MCUR1: variants seen among roughly 807,000 people sequenced by gnomAD.
MCUR1 encodes the protein MCU regulator 1.
Under a neutral mutation model 42.0 loss-of-function variants are expected in MCUR1, and 37 were observed. That is an observed-to-expected ratio of 0.88 (90% confidence interval 0.68 to 1.16). MCUR1 has a LOEUF of 1.16. Among genes scored for constraint, MCUR1 ranks in the 50% most tolerant of loss-of-function variants. The pLI is 0.00. For missense variants in MCUR1, 469 were observed against 468.4 expected (o/e 1.00, Z -0.01); for synonymous variants, 229 against 196.2 (o/e 1.17, Z -1.40).
chr6:13,814,445 T>C lies in MCUR1; in HGVS notation c.-16A>G, dbSNP rs1336672129. 1.0e-5 allele frequency: 15 copies of C among 1,498,094 alleles called. No homozygotes were observed. The highest frequency in any genetic ancestry group is 4.4e-5 in the Admixed American group (2 of 45,104). The allele number at this position is 1,498,094 out of a possible 1,614,324, so 92.8% of individuals were successfully genotyped here. On this transcript the variant is annotated 5_prime_UTR_variant, in exon 1 of 9. Coordinates refer to ENST00000379170, the MANE Select transcript of MCUR1 (RefSeq NM_001031713.4). Reference sequence around the variant, plus strand: ...CGCAGTCCATCCCCGAGCAGTTCACTGGCCCGGGCGCGCGCTCATGCCTCT... The same window carrying C: ...CGCAGTCCATCCCCGAGCAGTTCACCGGCCCGGGCGCGCGCTCATGCCTCT...
Position 13,789,520 on chromosome 6 carries a change from T to C in MCUR1, c.*1289A>G, listed in dbSNP as rs1268722661. On this transcript the variant is annotated 3_prime_UTR_variant, in exon 9 of 9. Transcript: ENST00000379170. ...GAACAACAGAATTAATCCATCTAGATTAGAATGCTGTGTGGCATGACCATT... is the reference window on the plus strand; with the variant it reads ...GAACAACAGAATTAATCCATCTAGACTAGAATGCTGTGTGGCATGACCATT... 6.6e-6 allele frequency: 1 copy of C among 152,192 alleles called. No homozygotes were observed. 9.4% of individuals were successfully genotyped at this position (152,192 alleles called of 1,614,324 possible). A position where few individuals can be genotyped will look rare whatever the true frequency, so the allele number is the denominator to read the frequency against.
intron 2 of MCUR1, among the ~76,000 whole-genome samples, chr6:13,806,439 T>G (rs1561735193): frequency 6.6e-6 from 1 of 152,240 alleles, no homozygotes; most frequent in Non-Finnish European, 1.5e-5. Context: ...TGCTGACTTG[T>G]GTCTAAATTT....
At chr6:13,792,934 C>T (rs182162171) in intron 7 of MCUR1, among the ~76,000 whole-genome samples, 96 of 151,956 alleles carry the variant, frequency 6.3e-4, no homozygotes, top group African/African-American at 2.3e-3. Flanking sequence ...CTCCATTCCT[C>T]ACTATTCTTC....
intron 6 of MCUR1, among the ~76,000 whole-genome samples, chr6:13,795,147 G>A (rs1431218181): frequency 6.6e-6 from 1 of 150,870 alleles, no homozygotes. Context: ...AAAAAAAAGA[G>A]AAAGAGAAAC....
chr6:13,793,559 G>C (rs1759782666), intron 7 of MCUR1, among the ~76,000 whole-genome samples: 1 of 152,198 alleles, frequency 6.6e-6, no homozygotes, highest in South Asian at 2.1e-4. Context: ...ATGTAGAATA[G>C]TCAAATCCAT....
intron 4 of MCUR1, 73 bp from the exon 5 acceptor site, chr6:13,800,455 A>G: frequency 2.5e-6 from 2 of 809,398 alleles, no homozygotes. Context: ...ATTACAATAC[A>G]TATTTATGCA....
intron 1 of MCUR1, among the ~76,000 whole-genome samples, chr6:13,812,892 C>T (rs888767386): frequency 6.6e-6 from 1 of 152,136 alleles, no homozygotes; most frequent in Admixed American, 6.5e-5. Flanking sequence ...ATTCTATTTA[C>T]TTTCCTCATC....
chr6:13,799,013 G>T, intron 5 of MCUR1, 109 bp from the exon 6 acceptor site: 1 of 654,214 alleles, frequency 1.5e-6, no homozygotes, highest in Non-Finnish European at 2.7e-6. Context: ...TCCTAGGCGA[G>T]GCAACCCAGG....
intron 5 of MCUR1, among the ~76,000 whole-genome samples, chr6:13,799,968 A>C (rs1026185331): frequency 6.6e-6 from 1 of 150,810 alleles, no homozygotes; most frequent in East Asian, 2.0e-4. Flanking sequence ...AGTAGCTGGG[A>C]TTACAGGCAC....
chr6:13,813,977 C>T (rs1760299264), intron 1 of MCUR1, 38 bp downstream of exon 1: 14 of 1,228,050 alleles, frequency 1.1e-5, no homozygotes, highest in Non-Finnish European at 1.4e-5. Flanking sequence ...TCCAACCCCG[C>T]GAGACGAGCC....
At position 13,814,390 on chromosome 6, in the gene MCUR1, G is replaced by T; in HGVS notation, c.40C>A (p.Leu14Met). The T allele has an allele frequency of 6.5e-7, 1 of 1,535,686 alleles. No homozygotes were observed. The highest frequency in any genetic ancestry group is 8.7e-7 in the Non-Finnish European group (1 of 1,151,574). Residue 14 changes from leucine to methionine, a missense_variant, in exon 1 of 9, where the codon CTG becomes ATG. Transcript: ENST00000379170. The part of the protein sequence containing the change: ...GSVGGQRTQR[L>M]PGRQRLLFLP... ...AAGAGAAGCCGCTGGCGGCCGGGCA[G>T]GCGCTGGGTCCTCTGGCCGCCGACC...
intron 1 of MCUR1, among the ~76,000 whole-genome samples, chr6:13,809,857 T>C (rs748173398): frequency 6.6e-6 from 1 of 151,700 alleles, no homozygotes; most frequent in African/African-American, 2.4e-5. Context: ...TGAGCTATGA[T>C]TGCACCACTG....
At chr6:13,794,407 T>C (rs571547997) in intron 6 of MCUR1, among the ~76,000 whole-genome samples, 12 of 152,192 alleles carry the variant, frequency 7.9e-5, no homozygotes, top group South Asian at 2.1e-4. Context: ...CTGAGTCATA[T>C]GGTTTTTGGT....
Position 13,800,392 on chromosome 6 carries a change from CAT to C in MCUR1, c.742-12_742-11del, listed in dbSNP as rs1491441190. 4.9e-6 allele frequency: 7 copies of C among 1,418,560 alleles called. No homozygotes were observed. The highest frequency in any genetic ancestry group is 6.8e-6 in the Non-Finnish European group (7 of 1,031,326). The allele number at this position is 1,418,560 out of a possible 1,614,324, so 87.9% of individuals were successfully genotyped here. A position where few individuals can be genotyped will look rare whatever the true frequency, so the allele number is the denominator to read the frequency against. ...GTTCGAGTTTTATTTTCTAAAAACA[CAT>C]AAAAAAAAAGTCATTAGAAAGAACA... On this transcript the variant is annotated splice_polypyrimidine_tract_variant and intron_variant, in intron 4 of 8. Transcript: ENST00000379170.
intron 6 of MCUR1, among the ~76,000 whole-genome samples, chr6:13,794,241 C>A (rs192581827): frequency 1.3e-5 from 2 of 152,188 alleles, no homozygotes; most frequent in South Asian, 2.1e-4. Flanking sequence ...GCATGACCTG[C>A]CGTGCTGGCT....
At chr6:13,811,964 TTTC>T (rs1760244694) in intron 1 of MCUR1, among the ~76,000 whole-genome samples, 1 of 152,096 alleles carries the variant, frequency 6.6e-6, no homozygotes, top group Non-Finnish European at 1.5e-5. Context: ...GGCTGGCCAC[TTTC>T]CATTGGTCAC....
chr6:13,811,469 A>G (rs963898574), intron 1 of MCUR1, among the ~76,000 whole-genome samples: 2 of 152,136 alleles, frequency 1.3e-5, no homozygotes, highest in African/African-American at 2.4e-5. Context: ...GAGCTCACTT[A>G]AATCTGGTAC....
Position 13,789,827 on chromosome 6 carries a change from G to C in MCUR1, c.*982C>G, listed in dbSNP as rs1759689128. 6.6e-6 allele frequency: 1 copy of C among 152,146 alleles called. No homozygotes were observed. The highest frequency in any genetic ancestry group is 2.1e-4 in the South Asian group (1 of 4,824). 9.4% of individuals were successfully genotyped at this position (152,146 alleles called of 1,614,324 possible). A position where few individuals can be genotyped will look rare whatever the true frequency, so the allele number is the denominator to read the frequency against. ...TCATGAGGGAAAGAGATGGAGAAGA[G>C]GGAGGGAGGAGGGAAAATCTTGCAT... On this transcript the variant is annotated 3_prime_UTR_variant, in exon 9 of 9. Transcript: ENST00000379170.
At position 13,787,011 on chromosome 6, in the gene MCUR1, CA is replaced by C. The variant is rs1442914990; in HGVS notation, c.*3797del. 6.6e-6 allele frequency: 1 copy of C among 152,138 alleles called. No homozygotes were observed. The highest frequency in any genetic ancestry group is 1.5e-5 in the Non-Finnish European group (1 of 68,036). The allele number at this position is 152,138 out of a possible 1,614,324, so 9.4% of individuals were successfully genotyped here. Reference sequence around the variant, plus strand: ...AAATTTGATAAGCTCACATTAAAATCAAAGTTTTCTAGATATGAATTCTATA... The same window carrying C: ...AAATTTGATAAGCTCACATTAAAATCAAGTTTTCTAGATATGAATTCTATA... On this transcript the variant is annotated 3_prime_UTR_variant, in exon 9 of 9. Transcript: ENST00000379170.
Sources: allele counts gnomAD v4.1 joint callset (sites outside exome capture counted in the v4.1 genomes callset), GRCh38; gene constraint gnomAD v4.1.1; transcripts MANE v1.5; gene names NCBI Gene and HGNC (gene_info 2026-07-23, HGNC 2026-07-21).